Variants in MGAM2 observed in about 807,000 individuals in gnomAD.
MGAM2 encodes maltase-glucoamylase 2 (putative).
MGAM2 carries 98 observed loss-of-function variants against 96.1 expected under a neutral mutation model. That is an observed-to-expected ratio of 1.02 (90% CI 0.87 to 1.21). The LOEUF (loss-of-function observed/expected upper bound fraction) is 1.21, where lower values mean the gene tolerates loss of function less well. Ranked by LOEUF, MGAM2 falls within the 50% of genes most tolerant of loss-of-function variation. MGAM2 has a pLI of 0.00. For missense variants in MGAM2, 2,055 were observed against 1,182.4 expected (o/e 1.74, Z -10.82); for synonymous variants, 749 against 414.8 (o/e 1.81, Z -9.79).
At chr7:142,171,605 CATATATATATATATATATAT>C (rs34204853) in intron 28 of MGAM2, among the ~76,000 whole-genome samples, 165 bp downstream of exon 28, 2,042 of 65,004 alleles carry the variant, frequency 0.031, 86 homozygotes, top group South Asian at 0.094. Flanking sequence ...CCCTAAAAGG[CATATATATATATATATATAT>C]ATATATATAT....
Position 142,173,302 on chromosome 7 carries a change from A to G in MGAM2, c.3635A>G (p.Asp1212Gly). Reference sequence around the variant, plus strand: ...CTGAGTCGCTATGGATACCAGAATGATGCTGAAATCTCCAGTTTGTATGAT... The same window carrying G: ...CTGAGTCGCTATGGATACCAGAATGGTGCTGAAATCTCCAGTTTGTATGAT... ...FHLSRYGYQN[D>G]AEISSLYDAM... Residue 1212 changes from aspartate to glycine, a missense_variant, in exon 31 of 48, where the codon GAT becomes GGT. Transcript: ENST00000477922. 1 of 703,078 alleles carries G rather than the reference A, an allele frequency of 1.4e-6. No homozygotes were observed. Among genetic ancestry groups the G allele is most frequent in the East Asian group, 2.7e-5 (1 of 37,278 alleles). 43.6% of individuals were successfully genotyped at this position (703,078 alleles called of 1,614,324 possible).
intron 46 of MGAM2, among the ~76,000 whole-genome samples, chr7:142,210,453 C>T (rs928697838): frequency 2.0e-5 from 3 of 152,160 alleles, no homozygotes; most frequent in East Asian, 1.9e-4. Context: ...AAATACTCGC[C>T]GCCAGCACAG....
rs1180885646 is a variant in MGAM2, at chr7:142,143,796, G to A, written c.1345G>A (p.Asp449Asn). The A allele has an allele frequency of 1.2e-5, 8 of 687,268 alleles. No individual in the cohort carries two copies. The highest frequency in any genetic ancestry group is 7.0e-5 in the African/African-American group (4 of 57,024). The allele number at this position is 687,268 out of a possible 1,614,324, so 42.6% of individuals were successfully genotyped here. A position where few individuals can be genotyped will look rare whatever the true frequency, so the allele number is the denominator to read the frequency against. Residue 449 changes from aspartate to asparagine, a missense_variant, in exon 13 of 48, where the codon GAT (aspartate) becomes AAT (asparagine). By Grantham distance (23) the Asp-to-Asn change is conservative. Coordinates refer to ENST00000477922, the MANE Select transcript of MGAM2 (RefSeq NM_001293626.2). ...ATATCCGGGACCGACAGTCTTTCCCGATTATACCAATCCAGTATGCACTGA... is the reference window on the plus strand; with the variant it reads ...ATATCCGGGACCGACAGTCTTTCCCAATTATACCAATCCAGTATGCACTGA... ...EGYPGPTVFP[D>N]YTNPVCTEWW...
chr7:142,144,826 G>A (rs775343749), intron 13 of MGAM2, 35 bp from the exon 14 acceptor site: 7 of 683,226 alleles, frequency 1.0e-5, no homozygotes, highest in Middle Eastern at 2.3e-4. Flanking sequence ...TAGCTCAATC[G>A]CATTTTACAC....
intron 20 of MGAM2, among the ~76,000 whole-genome samples, 158 bp from the exon 21 acceptor site, chr7:142,159,976 C>T (rs1376253681): frequency 6.6e-6 from 1 of 152,110 alleles, no homozygotes; most frequent in African/African-American, 2.4e-5. Flanking sequence ...TCAGCTCTGC[C>T]CTCTACTACC....
chr7:142,202,300 AATG>A (rs1214510176), intron 45 of MGAM2, among the ~76,000 whole-genome samples: 1 of 152,128 alleles, frequency 6.6e-6, no homozygotes, highest in Non-Finnish European at 1.5e-5. Context: ...CCTTATATAA[AATG>A]ATAATATTTT....
At chr7:142,139,330 G>A (rs888148631) in intron 10 of MGAM2, among the ~76,000 whole-genome samples, 1 of 151,980 alleles carries the variant, frequency 6.6e-6, no homozygotes, top group African/African-American at 2.4e-5. Flanking sequence ...CAACTTATTG[G>A]GGGTAGCTCT....
rs1279882690 is a variant in MGAM2, at chr7:142,196,173, G to A, written c.4366G>A (p.Gly1456Arg). The change falls in exon 38 of 48, where the codon GGA becomes AGA. Residue 1456 changes from glycine (G) to arginine (R), a missense_variant. Coordinates refer to ENST00000477922, the MANE Select transcript of MGAM2 (RefSeq NM_001293626.2). ...CACCAGAGCTGTGCAGGAGGTGACA[G>A]GACAGCGAGGGGTCATCATCACCCG... ...PTYEAVQEVT[G>R]QRGVIITRST... 3.3e-6 allele frequency: 4 copies of A among 1,195,370 alleles called. No homozygotes were observed. Among genetic ancestry groups the A allele is most frequent in the Non-Finnish European group, 4.9e-6 (4 of 820,736 alleles). The allele number at this position is 1,195,370 out of a possible 1,614,324, so 74.0% of individuals were successfully genotyped here.
At chr7:142,206,252 G>C (rs1273135185) in intron 45 of MGAM2, among the ~76,000 whole-genome samples, 1 of 152,074 alleles carries the variant, frequency 6.6e-6, no homozygotes, top group South Asian at 2.1e-4. Flanking sequence ...TTTCAAAAAT[G>C]GGCCTTATTT....
intron 44 of MGAM2, among the ~76,000 whole-genome samples, 153 bp downstream of exon 44, chr7:142,198,892 G>A (rs565036484): frequency 6.6e-6 from 1 of 152,320 alleles, no homozygotes; most frequent in East Asian, 1.9e-4. Context: ...CTTTCTGAGT[G>A]GGACTCGGAG....
At chr7:142,151,957 A>G (rs1795592106) in intron 15 of MGAM2, among the ~76,000 whole-genome samples, 1 of 152,202 alleles carries the variant, frequency 6.6e-6, no homozygotes, top group African/African-American at 2.4e-5. Context: ...TCTGATAAAT[A>G]TTTGGCTCAA....
intron 33 of MGAM2, among the ~76,000 whole-genome samples, chr7:142,184,028 A>G (rs979167799): frequency 8.7e-6 from 1 of 115,562 alleles, no homozygotes; most frequent in Admixed American, 1.3e-4. Flanking sequence ...GCTGGAGTGC[A>G]GTGGTATGAT....
chr7:142,221,739 C>A lies in MGAM2; in HGVS notation c.7228C>A (p.Leu2410Ile), dbSNP rs776423602. ...CCACACCTCATTAGCTCCTACAAAT[C>A]TTTCTAATCTAGGCACCATGGATAT... ...LSHTSLAPTN[L>I]SNLGTMDITD... Residue 2410 changes from leucine to isoleucine, a missense_variant, in exon 48 of 48, where the codon CTT becomes ATT. Coordinates refer to ENST00000477922, the MANE Select transcript of MGAM2 (RefSeq NM_001293626.2). The A allele has an allele frequency of 4.9e-6, 2 of 408,694 alleles. No homozygotes were observed. Among genetic ancestry groups the A allele is most frequent in the Non-Finnish European group, 8.6e-6 (2 of 231,272 alleles). 25.3% of individuals were successfully genotyped at this position (408,694 alleles called of 1,614,324 possible).
At position 142,197,325 on chromosome 7, in the gene MGAM2, C is replaced by T. The variant is rs1050724897; in HGVS notation, c.4633-75C>T. The T allele has an allele frequency of 9.0e-6, 6 of 667,302 alleles. No individual in the cohort carries two copies. In the African/African-American group the frequency reaches 1.1e-4, roughly 12 times the overall value. The allele number at this position is 667,302 out of a possible 1,614,324, so 41.3% of individuals were successfully genotyped here. Reference sequence around the variant, plus strand: ...GTAACCTACATTTTGAATAAATGCCCATTGATTCTTTTCTGATGCCACTGG... The same window carrying T: ...GTAACCTACATTTTGAATAAATGCCTATTGATTCTTTTCTGATGCCACTGG... On this transcript the variant is annotated intron_variant, in intron 40 of 47. Coordinates refer to ENST00000477922, the MANE Select transcript of MGAM2 (RefSeq NM_001293626.2).
chr7:142,159,787 T>C (rs1216216440), intron 20 of MGAM2, among the ~76,000 whole-genome samples: 5 of 152,184 alleles, frequency 3.3e-5, no homozygotes, highest in Admixed American at 2.6e-4. Flanking sequence ...CCTTTCCAAA[T>C]GTACAATGAA....
At chr7:142,151,529 G>C (rs1432959115) in intron 15 of MGAM2, among the ~76,000 whole-genome samples, 1 of 152,130 alleles carries the variant, frequency 6.6e-6, no homozygotes, top group Non-Finnish European at 1.5e-5. Context: ...ACTCGGATTG[G>C]TATTCCCATA....
At chr7:142,124,316 T>G (rs576765915) in intron 3 of MGAM2, among the ~76,000 whole-genome samples, 1 of 152,102 alleles carries the variant, frequency 6.6e-6, no homozygotes, top group South Asian at 2.1e-4. Flanking sequence ...CCATCACCAC[T>G]TATTGAACTG....
At chr7:142,142,591 CACGATCTCAGCTCACTGCA>C (rs1179406584) in intron 12 of MGAM2, among the ~76,000 whole-genome samples, 13 of 132,202 alleles carry the variant, frequency 9.8e-5, no homozygotes, top group African/African-American at 2.3e-4. Context: ...AGTGCAGTGG[CACGATCTCAGCTCACTGCA>C]ACGATCTCAG....
intron 38 of MGAM2, 23 bp downstream of exon 38, chr7:142,196,310 G>A: frequency 1.4e-6 from 1 of 712,236 alleles, no homozygotes; most frequent in Non-Finnish European, 2.6e-6. Flanking sequence ...ATTCCCAGGG[G>A]CCTGTGCTGG....
Sources: gnomAD v4.1 joint callset for allele counts (sites outside exome capture counted in the v4.1 genomes callset) on GRCh38, gnomAD v4.1.1 for gene constraint, MANE v1.5 for transcripts, NCBI Gene and HGNC (gene_info 2026-07-23, HGNC 2026-07-21) for gene names.